Variants in PACC1 observed in about 807,000 individuals in gnomAD.
PACC1 encodes the protein proton activated chloride channel 1.
In PACC1, 34 loss-of-function variants were observed where a neutral mutation model predicts 39.7. The observed-to-expected ratio is 0.86, with a 90% CI of 0.65 to 1.14. The LOEUF is 1.14. PACC1 is among the 50% of genes most tolerant of loss of function. The pLI, the probability that PACC1 is intolerant of heterozygous loss-of-function variation, is 0.00. For missense variants in PACC1, 379 were observed against 436.4 expected (o/e 0.87, Z 1.17); for synonymous variants, 127 against 160.6 (o/e 0.79, Z 1.58).
chr1:212,386,751 G>A lies in PACC1; in HGVS notation c.343+140C>T. The A allele has an allele frequency of 2.5e-6, 2 of 794,976 alleles. No homozygotes were observed. Among genetic ancestry groups the A allele is most frequent in the Non-Finnish European group, 4.2e-6 (2 of 476,058 alleles). The allele number at this position is 794,976 out of a possible 1,614,324, so 49.2% of individuals were successfully genotyped here. On this transcript the variant is annotated intron_variant, in intron 3 of 7. Coordinates refer to ENST00000261455, the MANE Select transcript of PACC1 (RefSeq NM_018252.3). This position sits in a 1 kb window ranked among gnomAD's most constrained non-coding sequence, Gnocchi z 5.0. Reference sequence around the variant, plus strand: ...TCCCAACAGCAGCTCCTTGGGCATAGACTCTATACCTAGACTATGCTTGGT... The same window carrying A: ...TCCCAACAGCAGCTCCTTGGGCATAAACTCTATACCTAGACTATGCTTGGT...
At chr1:212,380,179 G>A (rs2102486212) in intron 4 of PACC1, 142 bp from the exon 5 acceptor site, 2 of 818,944 alleles carry the variant, frequency 2.4e-6, no homozygotes, top group East Asian at 2.6e-5. Context: ...CAACAGGACT[G>A]GGCTGGGACT....
At chr1:212,383,962 T>G (rs1315572630) in intron 4 of PACC1, among the ~76,000 whole-genome samples, 1 of 152,170 alleles carries the variant, frequency 6.6e-6, no homozygotes, top group Non-Finnish European at 1.5e-5. Flanking sequence ...GTATAGGGTG[T>G]GTCTGGCCCA....
rs910311319 is a variant in PACC1 at position 212,414,881 on chromosome 1, C to T, written c.-124G>A. On this transcript the variant is annotated 5_prime_UTR_variant, in exon 1 of 8. Coordinates refer to ENST00000261455, the MANE Select transcript of PACC1 (RefSeq NM_018252.3). ...GGCGAAACCGGTCCGGAGGGGCGTC[C>T]CAGAGACCAGGCGTGGCGATACTCG... is the stretch of plus-strand genomic sequence containing the variant. 2.6e-5 allele frequency: 33 copies of T among 1,288,940 alleles called. No homozygotes were observed. In the African/African-American group the frequency reaches 4.6e-4, roughly 18 times the overall value. The allele number at this position is 1,288,940 out of a possible 1,614,324, so 79.8% of individuals were successfully genotyped here. A position where few individuals can be genotyped will look rare whatever the true frequency, so the allele number is the denominator to read the frequency against.
At position 212,411,769 on chromosome 1, in the gene PACC1, C is replaced by T. The variant is rs191882475; in HGVS notation, c.37-1248G>A. On this transcript the variant is annotated intron_variant, in intron 1 of 7. Coordinates refer to ENST00000261455, the MANE Select transcript of PACC1 (RefSeq NM_018252.3). ...CTCTTACGAATCTATTCTTCTATCT[C>T]CCTCTCCACGACTCCACTCCTGCCC... Among the ~76,000 whole-genome samples the T allele has an allele frequency of 3.3e-5, 5 of 152,308 alleles. No individual in the cohort carries two copies. In the East Asian group the frequency reaches 9.6e-4, roughly 29 times the overall value.
chr1:212,385,147 C>T, intron 4 of PACC1, 127 bp downstream of exon 4: 25 of 1,091,300 alleles, frequency 2.3e-5, no homozygotes, highest in Non-Finnish European at 3.3e-5. Flanking sequence ...CGCATGTCTC[C>T]TTGGGGACTA....
At chr1:212,412,765 T>A (rs868772946) in intron 1 of PACC1, among the ~76,000 whole-genome samples, 2 of 152,342 alleles carry the variant, frequency 1.3e-5, no homozygotes, top group Middle Eastern at 3.4e-3. Context: ...ATGTTCCTGC[T>A]AAGCCAGGAC....
At chr1:212,376,608 G>C (rs1660675756) in intron 6 of PACC1, among the ~76,000 whole-genome samples, 1 of 152,226 alleles carries the variant, frequency 6.6e-6, no homozygotes, top group African/African-American at 2.4e-5. Context: ...AAATCTGGGA[G>C]ATGACAGTTA....
intron 4 of PACC1, among the ~76,000 whole-genome samples, chr1:212,383,162 C>CA (rs2102492338): frequency 6.6e-6 from 1 of 152,352 alleles, no homozygotes; most frequent in South Asian, 2.1e-4. Context: ...AACCAACACT[C>CA]AGACTTGGGG....
At chr1:212,402,609 G>A (rs992679622) in intron 2 of PACC1, among the ~76,000 whole-genome samples, 1 of 152,088 alleles carries the variant, frequency 6.6e-6, no homozygotes, top group Non-Finnish European at 1.5e-5. Context: ...CATTCTGTGG[G>A]CTGTCTTTTC....
intron 5 of PACC1, among the ~76,000 whole-genome samples, chr1:212,378,379 T>A (rs929797074): frequency 1.3e-5 from 2 of 151,980 alleles, no homozygotes; most frequent in African/African-American, 2.4e-5. Flanking sequence ...GAGAGGGAAT[T>A]CTAGGTGGCA....
intron 2 of PACC1, among the ~76,000 whole-genome samples, chr1:212,408,909 G>T (rs964234947): frequency 1.3e-5 from 2 of 152,202 alleles, no homozygotes; most frequent in Non-Finnish European, 2.9e-5. Flanking sequence ...AGACCAATAC[G>T]GGTCCATGGC....
intron 2 of PACC1, among the ~76,000 whole-genome samples, chr1:212,403,891 T>C (rs1661808372): frequency 6.6e-6 from 1 of 151,966 alleles, no homozygotes; most frequent in African/African-American, 2.4e-5. Flanking sequence ...TTTGCCTCTC[T>C]AGGCTCCATC....
intron 1 of PACC1, 94 bp from the exon 2 acceptor site, chr1:212,410,615 A>T: frequency 8.8e-7 from 1 of 1,133,080 alleles, no homozygotes; most frequent in Non-Finnish European, 1.3e-6. Context: ...CTTGTCACTT[A>T]ATTGTCACCA....
At chr1:212,389,595 C>T (rs1661232438) in intron 2 of PACC1, among the ~76,000 whole-genome samples, 1 of 152,064 alleles carries the variant, frequency 6.6e-6, no homozygotes, top group South Asian at 2.1e-4. Context: ...TAGAAACCAA[C>T]ACCAAGATGA....
chr1:212,413,955 C>T lies in PACC1; in HGVS notation c.36+767G>A. 2.0e-6 allele frequency: 3 copies of T among 1,535,708 alleles called. No individual in the cohort carries two copies. In the East Asian group the frequency reaches 7.3e-5, roughly 38 times the overall value. On this transcript the variant is annotated intron_variant, in intron 1 of 7. Transcript: ENST00000261455. ...CACGATGGAGGGGCACAGAAGAGGA[C>T]GGTTGCCAAAGATGACCAAGGTTTG...
At chr1:212,405,677 C>T (rs1661883456) in intron 2 of PACC1, among the ~76,000 whole-genome samples, 1 of 152,148 alleles carries the variant, frequency 6.6e-6, no homozygotes, top group Non-Finnish European at 1.5e-5. Flanking sequence ...AACAACTGAG[C>T]CAGAGTCAGA....
At chr1:212,376,527 CT>C (rs1354822286) in intron 6 of PACC1, among the ~76,000 whole-genome samples, 3 of 152,164 alleles carry the variant, frequency 2.0e-5, no homozygotes, top group Non-Finnish European at 4.4e-5. Flanking sequence ...TGAACACAGT[CT>C]CCTTCCTCAG....
At chr1:212,375,347 T>G in intron 6 of PACC1, 47 bp from the exon 7 acceptor site, 1 of 1,359,968 alleles carries the variant, frequency 7.4e-7, no homozygotes, top group Non-Finnish European at 1.1e-6. Flanking sequence ...TGTGTGCCCT[T>G]CCCTTGCCTG....
intron 6 of PACC1, among the ~76,000 whole-genome samples, chr1:212,376,454 G>A (rs541902631): frequency 6.3e-4 from 96 of 152,264 alleles, no homozygotes; most frequent in African/African-American, 2.2e-3. Context: ...TTTGGTTTCG[G>A]ATCACAGTGG....
Sources: allele counts gnomAD v4.1 joint callset (sites outside exome capture counted in the v4.1 genomes callset), GRCh38; gene constraint gnomAD v4.1.1; non-coding constraint Gnocchi (gnomAD v3.1); transcripts MANE v1.5; gene names NCBI Gene and HGNC (gene_info 2026-07-23, HGNC 2026-07-21).